CATSPERB: variants seen among roughly 807,000 people sequenced by gnomAD.
The protein encoded by CATSPERB is cation channel sperm-associated auxiliary subunit beta.
In CATSPERB, 93 loss-of-function variants were observed where a neutral mutation model predicts 128.3. The observed-to-expected ratio is 0.72, with a 90% CI of 0.61 to 0.86. The LOEUF (loss-of-function observed/expected upper bound fraction) is 0.86, where lower values mean the gene tolerates loss of function less well. Ranked by LOEUF, CATSPERB falls within the 40% of genes least tolerant of loss-of-function variation. The probability of loss-of-function intolerance (pLI) is 0.00; values close to 1 mark genes in which losing one functional copy is unlikely to be tolerated. For synonymous variants in CATSPERB, 381 were observed against 448.8 expected (o/e 0.85, Z 1.91); for missense variants, 1,153 against 1,329.5 (o/e 0.87, Z 2.06).
At chr14:91,659,217 A>G (rs1595167973) in intron 15 of CATSPERB, among the ~76,000 whole-genome samples, 2 of 152,334 alleles carry the variant, frequency 1.3e-5, no homozygotes, top group Admixed American at 6.5e-5. Flanking sequence ...GATGACAGAT[A>G]TGCTAATTAC....
intron 20 of CATSPERB, among the ~76,000 whole-genome samples, chr14:91,615,622 C>G (rs774887841): frequency 1.4e-4 from 22 of 152,198 alleles, no homozygotes; most frequent in Non-Finnish European, 1.5e-4. Flanking sequence ...AAATCACAGA[C>G]TTTCCTTCTT....
chr14:91,587,840 A>G (rs1893330312), intron 25 of CATSPERB, 138 bp downstream of exon 25: 2 of 635,548 alleles, frequency 3.1e-6, no homozygotes, highest in South Asian at 3.9e-5. Flanking sequence ...CTCTTCATAT[A>G]CTTTAAAGGT....
intron 7 of CATSPERB, among the ~76,000 whole-genome samples, chr14:91,700,670 T>C (rs559746022): frequency 8.5e-5 from 13 of 152,192 alleles, no homozygotes; most frequent in Non-Finnish European, 1.5e-4. Flanking sequence ...ATCATGTCCT[T>C]TCCAGCAACA....
chr14:91,621,403 A>G (rs1205704384), intron 19 of CATSPERB, among the ~76,000 whole-genome samples: 1 of 151,556 alleles, frequency 6.6e-6, no homozygotes, highest in Non-Finnish European at 1.5e-5. Flanking sequence ...CTGTCTCACA[A>G]ATAAATAAAT....
At chr14:91,673,087 G>A in intron 12 of CATSPERB, 71 bp from the exon 13 acceptor site, 3 of 1,284,070 alleles carry the variant, frequency 2.3e-6, no homozygotes. Flanking sequence ...AGTGAAACTA[G>A]CCCACTTGTT....
chr14:91,701,843 T>C (rs1325460056), intron 7 of CATSPERB, among the ~76,000 whole-genome samples: 1 of 151,176 alleles, frequency 6.6e-6, no homozygotes, highest in Admixed American at 6.6e-5. Flanking sequence ...CCTAGGAGTT[T>C]GAGGCTGTAG....
At chr14:91,639,974 A>G (rs540748430) in intron 15 of CATSPERB, among the ~76,000 whole-genome samples, 1 of 151,516 alleles carries the variant, frequency 6.6e-6, no homozygotes, top group South Asian at 2.1e-4. Context: ...GATCTCATTC[A>G]GTTTTAGGAT....
At chr14:91,708,355 G>A in intron 5 of CATSPERB, 119 bp from the exon 6 acceptor site, 1 of 625,754 alleles carries the variant, frequency 1.6e-6, no homozygotes, top group South Asian at 2.1e-5. Context: ...CCATTTTGTT[G>A]GTATTTATAT....
chr14:91,696,692 T>C (rs1479175461), intron 7 of CATSPERB, among the ~76,000 whole-genome samples: 1 of 152,168 alleles, frequency 6.6e-6, no homozygotes, highest in African/African-American at 2.4e-5. Context: ...TCCTAACGGA[T>C]ACAATCCAGT....
At chr14:91,624,705 G>A (rs1894122819) in intron 18 of CATSPERB, 115 bp downstream of exon 18, 2 of 731,178 alleles carry the variant, frequency 2.7e-6, no homozygotes, top group East Asian at 6.3e-5. Context: ...TAGGTTGCCA[G>A]TTGGACTAAA....
At chr14:91,612,766 G>C (rs888493893) in intron 20 of CATSPERB, among the ~76,000 whole-genome samples, 2 of 152,120 alleles carry the variant, frequency 1.3e-5, no homozygotes, top group Non-Finnish European at 1.5e-5. Context: ...CAAACACATT[G>C]ACACTGAATT....
chr14:91,641,149 T>C (rs1379960126), intron 15 of CATSPERB, among the ~76,000 whole-genome samples: 2 of 145,240 alleles, frequency 1.4e-5, no homozygotes, highest in African/African-American at 5.2e-5. Flanking sequence ...CTTTGTCAGA[T>C]GAGTAGGTTG....
chr14:91,723,496 A>T lies in CATSPERB; in HGVS notation c.169-307T>A, dbSNP rs1380422178. ...AAAATTGTTATTTTGTGTCTAAATA[A>T]AAAAGGAAGCAACTATATAAAGCAA... On this transcript the variant is annotated intron_variant, in intron 3 of 26. Coordinates refer to ENST00000256343, the MANE Select transcript of CATSPERB (RefSeq NM_024764.4). Among the ~76,000 whole-genome samples, 38 of 152,198 alleles carry T rather than the reference A, an allele frequency of 2.5e-4. 1 individual carries two copies. The highest frequency in any genetic ancestry group is 2.5e-3 in the Admixed American group (38 of 15,282).
rs58330624 is a variant in CATSPERB at position 91,661,524 on chromosome 14, CAT to C, written c.1288-1545_1288-1544del. 2.5e-3 allele frequency among the ~76,000 whole-genome samples: 315 copies of C among 127,032 alleles called. 9 individuals carry two copies. Among genetic ancestry groups the C allele is most frequent in the African/African-American group, 8.1e-3 (252 of 31,274 alleles). 83.3% of individuals were successfully genotyped at this position (127,032 alleles called of 152,430 possible). The stretch of plus-strand genomic sequence containing the variant: ...ATTAAGCTGCTGAGTCAGATGCTAT[CAT>C]ATATATATATATATATATATATTTA... On this transcript the variant is annotated intron_variant, in intron 14 of 26. Coordinates refer to ENST00000256343, the MANE Select transcript of CATSPERB (RefSeq NM_024764.4).
intron 22 of CATSPERB, chr14:91,603,283 C>T: frequency 7.6e-7 from 1 of 1,310,390 alleles, no homozygotes; most frequent in Admixed American, 1.7e-5. Flanking sequence ...TCACCTTCTC[C>T]TGTCTTCAGT....
intron 22 of CATSPERB, among the ~76,000 whole-genome samples, chr14:91,599,214 T>G (rs1187062365): frequency 6.6e-6 from 1 of 152,114 alleles, no homozygotes; most frequent in African/African-American, 2.4e-5. Flanking sequence ...CCCTTCGTGG[T>G]TACCAAAATG....
At chr14:91,618,293 C>A (rs979320525) in intron 19 of CATSPERB, among the ~76,000 whole-genome samples, 3 of 152,128 alleles carry the variant, frequency 2.0e-5, no homozygotes, top group Non-Finnish European at 4.4e-5. Context: ...AGCAAGGTCT[C>A]TATGACCTGT....
chr14:91,692,750 C>T (rs1425617678), intron 9 of CATSPERB, among the ~76,000 whole-genome samples: 1 of 152,082 alleles, frequency 6.6e-6, no homozygotes, highest in East Asian at 1.9e-4. Context: ...TCGCTCAATC[C>T]CAATACTTAC....
chr14:91,600,292 A>G (rs908875838), intron 22 of CATSPERB, among the ~76,000 whole-genome samples: 1 of 152,208 alleles, frequency 6.6e-6, no homozygotes, highest in African/African-American at 2.4e-5. Flanking sequence ...TTAAAAAAGC[A>G]ATTATTATAG....
Sources: allele counts gnomAD v4.1 joint callset (sites outside exome capture counted in the v4.1 genomes callset), GRCh38; gene constraint gnomAD v4.1.1; transcripts MANE v1.5; gene names NCBI Gene and HGNC (gene_info 2026-07-23, HGNC 2026-07-21).